The following STAG1 variants were observed in gnomAD, a reference collection of about 807,000 sequenced individuals.
The protein encoded by STAG1 is STAG1 cohesin complex component.
Under a neutral mutation model 170.9 loss-of-function variants are expected in STAG1, and 26 were observed. The observed-to-expected ratio is 0.15, with a 90% CI of 0.11 to 0.21. The LOEUF is 0.21. STAG1 is among the 10% of genes least tolerant of loss of function. The pLI is 1.00. For synonymous variants in STAG1, 514 were observed against 497.7 expected (o/e 1.03, Z -0.44); for missense variants, 964 against 1,509.5 (o/e 0.64, Z 5.99).
At chr3:136,600,802 G>A (rs1447084061) in intron 4 of STAG1, among the ~76,000 whole-genome samples, 2 of 151,808 alleles carry the variant, frequency 1.3e-5, no homozygotes, top group East Asian at 1.9e-4. Flanking sequence ...CAAAATGCTG[G>A]GATTACAGGC....
chr3:136,354,235 G>T (rs1245386263), intron 28 of STAG1, among the ~76,000 whole-genome samples: 1 of 152,142 alleles, frequency 6.6e-6, no homozygotes, highest in African/African-American at 2.4e-5. Context: ...GGAAGGAAAT[G>T]GATTTATATA....
intron 1 of STAG1, among the ~76,000 whole-genome samples, chr3:136,738,940 TA>T (rs914125736): frequency 1.3e-5 from 2 of 151,344 alleles, no homozygotes; most frequent in African/African-American, 4.9e-5. Flanking sequence ...TTTCTAAAAA[TA>T]AAAAAAAGAC....
chr3:136,558,199 C>T (rs1237334118), intron 5 of STAG1, among the ~76,000 whole-genome samples: 1 of 152,104 alleles, frequency 6.6e-6, no homozygotes, highest in Non-Finnish European at 1.5e-5. Context: ...TGAGACCGGC[C>T]TGGCCAACAG....
intron 1 of STAG1, among the ~76,000 whole-genome samples, chr3:136,724,357 A>G (rs1455812667): frequency 6.6e-6 from 1 of 151,504 alleles, no homozygotes; most frequent in Non-Finnish European, 1.5e-5. Context: ...GGTTAAATGG[A>G]TTAAGGGTGG....
At chr3:136,377,288 G>A (rs1423099731) in intron 23 of STAG1, among the ~76,000 whole-genome samples, 2 of 140,794 alleles carry the variant, frequency 1.4e-5, no homozygotes, top group South Asian at 2.2e-4. Context: ...TCGGGAGGCT[G>A]AGGCAGGAGA....
intron 1 of STAG1, among the ~76,000 whole-genome samples, chr3:136,649,122 C>G (rs1314977048): frequency 6.6e-6 from 1 of 152,136 alleles, no homozygotes; most frequent in East Asian, 1.9e-4. Context: ...GACCTCCATG[C>G]CTTTGCTTAT....
At chr3:136,384,917 A>C (rs1455469686) in intron 22 of STAG1, among the ~76,000 whole-genome samples, 1 of 152,224 alleles carries the variant, frequency 6.6e-6, no homozygotes, top group Non-Finnish European at 1.5e-5. Context: ...TGTCATTTTA[A>C]GAAACTAGAA....
intron 9 of STAG1, among the ~76,000 whole-genome samples, chr3:136,478,340 T>C (rs1482094293): frequency 1.3e-5 from 2 of 152,154 alleles, no homozygotes; most frequent in Non-Finnish European, 2.9e-5. Flanking sequence ...GCATCCAATA[T>C]AACCCTCCTG....
At chr3:136,680,631 T>C (rs1316994269) in intron 1 of STAG1, among the ~76,000 whole-genome samples, 1 of 151,906 alleles carries the variant, frequency 6.6e-6, no homozygotes, top group Non-Finnish European at 1.5e-5. Context: ...AAATTATAAA[T>C]AAAATATTTT....
intron 15 of STAG1, among the ~76,000 whole-genome samples, chr3:136,440,307 T>G (rs1322700452): frequency 6.6e-6 from 1 of 151,978 alleles, no homozygotes; most frequent in Non-Finnish European, 1.5e-5. Flanking sequence ...CTGGCTAATT[T>G]TTCATATTTT....
At chr3:136,613,082 C>T (rs1389764313) in intron 3 of STAG1, among the ~76,000 whole-genome samples, 2 of 151,900 alleles carry the variant, frequency 1.3e-5, no homozygotes, top group East Asian at 3.9e-4. Context: ...GTGGGCGGAT[C>T]ACGAGGTCAG....
chr3:136,580,604 G>A (rs1190490468), intron 4 of STAG1, among the ~76,000 whole-genome samples: 1 of 147,484 alleles, frequency 6.8e-6, no homozygotes, highest in Non-Finnish European at 1.5e-5. Flanking sequence ...CGCAATCTCG[G>A]CTCACTGCAA....
At chr3:136,745,830 A>AAAAC (rs949623994) in intron 1 of STAG1, among the ~76,000 whole-genome samples, 1 of 152,210 alleles carries the variant, frequency 6.6e-6, no homozygotes, top group Non-Finnish European at 1.5e-5. Flanking sequence ...AATAAGGTAA[A>AAAAC]AAACAAACAA....
intron 13 of STAG1, among the ~76,000 whole-genome samples, chr3:136,463,910 TATA>T (rs1282974891): frequency 6.8e-6 from 1 of 147,742 alleles, no homozygotes; most frequent in Non-Finnish European, 1.5e-5. Context: ...TATACTTACA[TATA>T]ATATATATTT....
At chr3:136,466,924 A>C (rs938271612) in intron 12 of STAG1, among the ~76,000 whole-genome samples, 21 of 152,216 alleles carry the variant, frequency 1.4e-4, no homozygotes, top group African/African-American at 4.3e-4. Context: ...GTGAAGGAGA[A>C]ATAAAATCCT....
intron 3 of STAG1, among the ~76,000 whole-genome samples, chr3:136,618,651 AACT>A (rs1939703013): frequency 6.6e-6 from 1 of 152,208 alleles, no homozygotes. Context: ...TTTACATGAC[AACT>A]ACAAGCAACA....
At chr3:136,476,965 A>C (rs991560350) in intron 10 of STAG1, among the ~76,000 whole-genome samples, 2 of 152,186 alleles carry the variant, frequency 1.3e-5, no homozygotes, top group Non-Finnish European at 2.9e-5. Flanking sequence ...CTTAGTTTTT[A>C]TATATTAAGA....
chr3:136,702,905 T>C (rs1943123599), intron 1 of STAG1, among the ~76,000 whole-genome samples: 1 of 151,364 alleles, frequency 6.6e-6, no homozygotes, highest in Non-Finnish European at 1.5e-5. Flanking sequence ...CCGTCTCTAC[T>C]AAAAATACAA....
At chr3:136,529,933 G>C (rs1935285921) in intron 6 of STAG1, among the ~76,000 whole-genome samples, 1 of 152,024 alleles carries the variant, frequency 6.6e-6, no homozygotes, top group Admixed American at 6.5e-5. Context: ...CCACTAAAAA[G>C]ACAAAGACCA....
Sources: gnomAD v4.1 joint callset for allele counts (sites outside exome capture counted in the v4.1 genomes callset) on GRCh38, gnomAD v4.1.1 for gene constraint, MANE v1.5 for transcripts, NCBI Gene and HGNC (gene_info 2026-07-23, HGNC 2026-07-21) for gene names.